HSD17B2: variants seen among roughly 807,000 people sequenced by gnomAD.
HSD17B2 encodes the protein 17-beta-hydroxysteroid dehydrogenase type 2.
In HSD17B2, 32 loss-of-function variants were observed where a neutral mutation model predicts 26.9. That is an observed-to-expected ratio of 1.19 (90% CI 0.90 to 1.60). The LOEUF (loss-of-function observed/expected upper bound fraction) is 1.60, where lower values mean the gene tolerates loss of function less well. HSD17B2 is among the 40% of genes most tolerant of loss of function. HSD17B2 has a pLI of 0.00. For synonymous variants in HSD17B2, 246 were observed against 186.7 expected (o/e 1.32, Z -2.59); for missense variants, 613 against 468.6 (o/e 1.31, Z -2.85).
At chr16:82,051,860 T>G (rs1914118617) in intron 1 of HSD17B2, among the ~76,000 whole-genome samples, 1 of 152,236 alleles carries the variant, frequency 6.6e-6, no homozygotes, top group African/African-American at 2.4e-5. Context: ...TACTAATCTG[T>G]AAAATGGGGA....
chr16:82,091,502 A>G (rs1904693650), intron 4 of HSD17B2: 1 of 174,702 alleles, frequency 5.7e-6, no homozygotes, highest in Non-Finnish European at 1.2e-5. Context: ...CAAGAGCTAT[A>G]TATTTACAAT....
intron 3 of HSD17B2, among the ~76,000 whole-genome samples, chr16:82,083,144 C>A (rs541774371): frequency 2.2e-4 from 34 of 152,272 alleles, no homozygotes; most frequent in African/African-American, 8.2e-4. Context: ...TCAACATAAC[C>A]CATGTCTTCT....
At chr16:82,058,071 AT>A (rs72053726) in intron 1 of HSD17B2, among the ~76,000 whole-genome samples, 9,160 of 141,174 alleles carry the variant, frequency 0.065, 775 homozygotes, top group African/African-American at 0.2. Context: ...GTTGTTGTTA[AT>A]TTTTTTTTTT....
intron 1 of HSD17B2, among the ~76,000 whole-genome samples, chr16:82,036,325 TGTG>T (rs1184148807): frequency 7.7e-5 from 2 of 25,842 alleles, no homozygotes; most frequent in African/African-American, 2.0e-4. Flanking sequence ...CTTGTTTGTG[TGTG>T]TGTGTGTGTG....
At chr16:82,053,783 G>A (rs1914181987) in intron 1 of HSD17B2, among the ~76,000 whole-genome samples, 1 of 152,218 alleles carries the variant, frequency 6.6e-6, no homozygotes, top group African/African-American at 2.4e-5. Flanking sequence ...GCTTCATCTT[G>A]TGTTGCTGCT....
chr16:82,077,386 C>T (rs1231167601), intron 3 of HSD17B2, among the ~76,000 whole-genome samples: 1 of 152,096 alleles, frequency 6.6e-6, no homozygotes, highest in Non-Finnish European at 1.5e-5. Context: ...AACTCATTTT[C>T]AACAAATGCA....
chr16:82,062,118 C>T (rs1233573019), intron 1 of HSD17B2, among the ~76,000 whole-genome samples: 1 of 152,250 alleles, frequency 6.6e-6, no homozygotes, highest in Non-Finnish European at 1.5e-5. Flanking sequence ...CTACATTACA[C>T]AATTCCTAAT....
intron 1 of HSD17B2, among the ~76,000 whole-genome samples, chr16:82,053,717 T>A (rs932806152): frequency 9.2e-5 from 14 of 152,184 alleles, no homozygotes; most frequent in African/African-American, 3.4e-4. Context: ...GATGTTCTAT[T>A]AACTCTGAGA....
intron 3 of HSD17B2, chr16:82,090,180 G>C (rs927282830): frequency 8.2e-6 from 8 of 972,214 alleles, no homozygotes; most frequent in Admixed American, 1.2e-4. Context: ...GTAGTGGGTT[G>C]AATAGTGGAC....
chr16:82,079,686 C>T (rs1209424799), intron 3 of HSD17B2, among the ~76,000 whole-genome samples: 1 of 152,212 alleles, frequency 6.6e-6, no homozygotes, highest in East Asian at 1.9e-4. Flanking sequence ...GGCTCTCTAG[C>T]ACTTACTGGA....
rs556706968 is a variant in HSD17B2, at chr16:82,069,884, G to T, written c.479-1058G>T. On this transcript the variant is annotated intron_variant, in intron 2 of 4. Coordinates refer to ENST00000199936, the MANE Select transcript of HSD17B2 (RefSeq NM_002153.3). ...GGACCCTTCTGAAGCACCAGGCCCT[G>T]TGTGACTGAACAGATCCCCCAGACC... Among the ~76,000 whole-genome samples the T allele has an allele frequency of 1.2e-4, 18 of 152,252 alleles. 1 individual carries two copies. Among genetic ancestry groups the T allele is most frequent in the Admixed American group, 1.0e-3 (16 of 15,298 alleles).
chr16:82,088,757 A>G (rs1904599631), intron 3 of HSD17B2, among the ~76,000 whole-genome samples: 1 of 152,160 alleles, frequency 6.6e-6, no homozygotes, highest in South Asian at 2.1e-4. Flanking sequence ...CATCTGTGGC[A>G]AGATTAACCA....
In HSD17B2 at chr16:82,098,438, C is replaced by T. The variant is rs773731594; in HGVS notation, c.*2C>T. 5 of 1,586,312 alleles carry T rather than the reference C, an allele frequency of 3.2e-6. No individual in the cohort carries two copies. The highest frequency in any genetic ancestry group is 4.3e-6 in the Non-Finnish European group (5 of 1,167,382). Reference sequence around the variant, plus strand: ...AACTACAAGAAAAAGGCCACCTAGGCAATGGAAGCCCTCAAAGAAGTCGGA... The same window carrying T: ...AACTACAAGAAAAAGGCCACCTAGGTAATGGAAGCCCTCAAAGAAGTCGGA... On this transcript the variant is annotated 3_prime_UTR_variant, in exon 5 of 5. Transcript: ENST00000199936.
intron 1 of HSD17B2, among the ~76,000 whole-genome samples, chr16:82,059,639 C>A (rs551901477): frequency 6.6e-6 from 1 of 152,104 alleles, no homozygotes; most frequent in South Asian, 2.1e-4. Flanking sequence ...GGACCTAACA[C>A]AATGATATCT....
intron 1 of HSD17B2, among the ~76,000 whole-genome samples, chr16:82,042,150 C>T (rs755243440): frequency 2.6e-5 from 4 of 151,938 alleles, no homozygotes; most frequent in Non-Finnish European, 4.4e-5. Context: ...ATTACAGGGG[C>T]CCACAACCAT....
chr16:82,098,157 C>T lies in HSD17B2; in HGVS notation c.885C>T (p.Tyr295=), dbSNP rs764268107. ...DHLPAEVQED[Y]GQDYILAQRN... ...TCCCCGCTGAGGTACAGGAAGACTA[C>T]GGCCAGGACTACATCTTAGCACAGC... is the stretch of plus-strand genomic sequence containing the variant. The change falls in exon 5 of 5, where the codon TAC becomes TAT. Residue 295 remains tyrosine (Y), a synonymous_variant. Transcript: ENST00000199936. 8.7e-6 allele frequency: 14 copies of T among 1,614,062 alleles called. No individual in the cohort carries two copies. The highest frequency in any genetic ancestry group is 1.6e-4 in the Middle Eastern group (1 of 6,062).
At chr16:82,085,963 C>A (rs1292713827) in intron 3 of HSD17B2, among the ~76,000 whole-genome samples, 1 of 149,534 alleles carries the variant, frequency 6.7e-6, no homozygotes, top group Non-Finnish European at 1.5e-5. Context: ...AAAAAAAAAA[C>A]ACACAGAAAA....
At chr16:82,071,801 T>A (rs1289030906) in intron 3 of HSD17B2, 1 of 158,510 alleles carries the variant, frequency 6.3e-6, no homozygotes, top group East Asian at 1.9e-4. Flanking sequence ...CTTGTTCAGT[T>A]TAGGGAAGAT....
At chr16:82,049,618 A>G (rs1421723730) in intron 1 of HSD17B2, among the ~76,000 whole-genome samples, 2 of 152,250 alleles carry the variant, frequency 1.3e-5, no homozygotes, top group African/African-American at 4.8e-5. Flanking sequence ...AAAGAATGAA[A>G]GAGAGGAAAC....
Sources: gnomAD v4.1 joint callset for allele counts (sites outside exome capture counted in the v4.1 genomes callset) on GRCh38, gnomAD v4.1.1 for gene constraint, MANE v1.5 for transcripts, NCBI Gene and HGNC (gene_info 2026-07-23, HGNC 2026-07-21) for gene names.